The following CTNNA3 variants were observed in gnomAD, a reference collection of about 807,000 sequenced individuals.
CTNNA3 encodes catenin alpha-3.
A neutral mutation model predicts 95.7 loss-of-function variants in CTNNA3; 76 were observed. The observed-to-expected ratio is 0.79, with a 90% CI of 0.66 to 0.96. CTNNA3 has a LOEUF of 0.96. Among genes scored for constraint, CTNNA3 ranks in the 40% least tolerant of loss-of-function variants. CTNNA3 has a pLI of 0.00. For missense variants in CTNNA3, 1,191 were observed against 1,089.8 expected (o/e 1.09, Z -1.31); for synonymous variants, 431 against 374.4 (o/e 1.15, Z -1.74).
intron 5 of CTNNA3, among the ~76,000 whole-genome samples, chr10:67,375,291 C>A (rs1843645050): frequency 6.6e-6 from 1 of 152,136 alleles, no homozygotes; most frequent in Admixed American, 6.5e-5. Context: ...CACAATGAGT[C>A]AAGGTCAGGG....
At chr10:66,849,378 C>G (rs1374875258) in intron 7 of CTNNA3, among the ~76,000 whole-genome samples, 3 of 151,912 alleles carry the variant, frequency 2.0e-5, no homozygotes, top group African/African-American at 7.3e-5. Context: ...CTTGTTGTTC[C>G]CTTATGTTTG....
chr10:67,169,478 A>C (rs112349306), intron 7 of CTNNA3, among the ~76,000 whole-genome samples: 51 of 152,336 alleles, frequency 3.3e-4, no homozygotes, highest in African/African-American at 1.2e-3. Context: ...AAGGCCACAC[A>C]TCTGCGACCA....
At chr10:66,190,301 A>C (rs1393126502) in intron 13 of CTNNA3, among the ~76,000 whole-genome samples, 1 of 152,172 alleles carries the variant, frequency 6.6e-6, no homozygotes, top group African/African-American at 2.4e-5. Flanking sequence ...AGAAATAAAA[A>C]CAAACCTGTC....
chr10:66,543,862 AT>A, intron 10 of CTNNA3, among the ~76,000 whole-genome samples: 1 of 146,730 alleles, frequency 6.8e-6, no homozygotes, highest in Non-Finnish European at 1.5e-5. Context: ...AAATTGCTAA[AT>A]TTTGCTTTTT....
intron 1 of CTNNA3, among the ~76,000 whole-genome samples, chr10:67,755,039 C>T (rs1372609270): frequency 1.3e-5 from 2 of 151,524 alleles, no homozygotes; most frequent in Non-Finnish European, 2.9e-5. Flanking sequence ...CTCTACAAAA[C>T]AAAAAAATTA....
At chr10:66,550,464 C>T (rs1412594992) in intron 10 of CTNNA3, among the ~76,000 whole-genome samples, 2 of 152,120 alleles carry the variant, frequency 1.3e-5, no homozygotes, top group Admixed American at 6.6e-5. Context: ...TAGCAAAAAT[C>T]GTTTTAAATT....
At chr10:67,149,866 G>A (rs905908963) in intron 7 of CTNNA3, among the ~76,000 whole-genome samples, 2 of 152,132 alleles carry the variant, frequency 1.3e-5, no homozygotes, top group Non-Finnish European at 2.9e-5. Flanking sequence ...GCATACCCTG[G>A]CATTTTGATA....
chr10:66,220,028 CAGG>C, intron 13 of CTNNA3, among the ~76,000 whole-genome samples: 1 of 152,114 alleles, frequency 6.6e-6, no homozygotes, highest in African/African-American at 2.4e-5. Context: ...GAGGCTGAGG[CAGG>C]AGAATCACTT....
intron 7 of CTNNA3, among the ~76,000 whole-genome samples, chr10:67,005,076 C>T (rs1311182626): frequency 2.0e-5 from 3 of 152,180 alleles, no homozygotes; most frequent in Admixed American, 6.5e-5. Flanking sequence ...GTTTTTCCTA[C>T]AAGCTCCTTT....
At chr10:66,057,123 G>A (rs1432231562) in intron 15 of CTNNA3, among the ~76,000 whole-genome samples, 2 of 152,092 alleles carry the variant, frequency 1.3e-5, no homozygotes, top group African/African-American at 4.8e-5. Context: ...CCTTTTTAAA[G>A]CTTTCCTTTT....
At chr10:65,933,552 A>T (rs2077287830) in intron 17 of CTNNA3, among the ~76,000 whole-genome samples, 1 of 152,182 alleles carries the variant, frequency 6.6e-6, no homozygotes, top group Non-Finnish European at 1.5e-5. Flanking sequence ...CAAAAAAACG[A>T]AAAGTAAACA....
intron 2 of CTNNA3, among the ~76,000 whole-genome samples, chr10:67,607,931 T>G (rs1314244947): frequency 6.6e-6 from 1 of 152,260 alleles, no homozygotes; most frequent in Non-Finnish European, 1.5e-5. Flanking sequence ...TCATGGAGTT[T>G]ACATTCTTAA....
intron 12 of CTNNA3, among the ~76,000 whole-genome samples, chr10:66,306,551 T>C (rs2091936948): frequency 4.6e-5 from 7 of 152,192 alleles, no homozygotes; most frequent in Admixed American, 4.6e-4. Flanking sequence ...TAAGCCATAC[T>C]GCCTGATACT....
chr10:67,158,950 G>A (rs1235423302), intron 7 of CTNNA3, among the ~76,000 whole-genome samples: 1 of 152,008 alleles, frequency 6.6e-6, no homozygotes, highest in Non-Finnish European at 1.5e-5. Flanking sequence ...GTTTTATATT[G>A]TTTTATACTC....
chr10:67,576,265 C>T (rs919215156), intron 3 of CTNNA3, among the ~76,000 whole-genome samples: 2 of 152,098 alleles, frequency 1.3e-5, no homozygotes, highest in African/African-American at 4.8e-5. Flanking sequence ...TTTACTTTTA[C>T]ATTTCAGGTT....
chr10:66,436,208 G>C (rs1453100586), intron 11 of CTNNA3, among the ~76,000 whole-genome samples: 1 of 152,154 alleles, frequency 6.6e-6, no homozygotes, highest in Non-Finnish European at 1.5e-5. Context: ...GACCTGAGCT[G>C]AGTTCACATC....
chr10:66,956,496 C>A (rs936016059), intron 7 of CTNNA3, among the ~76,000 whole-genome samples: 2 of 151,990 alleles, frequency 1.3e-5, no homozygotes, highest in East Asian at 3.8e-4. Flanking sequence ...AGGCAATAAA[C>A]AATAATTACA....
chr10:66,495,553 TATC>T (rs1398355961), intron 11 of CTNNA3, among the ~76,000 whole-genome samples: 2 of 152,176 alleles, frequency 1.3e-5, no homozygotes, highest in Non-Finnish European at 2.9e-5. Flanking sequence ...CACTTATCAA[TATC>T]ATAACACAAA....
intron 5 of CTNNA3, among the ~76,000 whole-genome samples, chr10:67,367,896 G>A (rs1180539730): frequency 6.6e-6 from 1 of 152,100 alleles, no homozygotes; most frequent in Non-Finnish European, 1.5e-5. Context: ...TGCGGAAAAA[G>A]GGAGAAAGGA....
Sources: allele counts gnomAD v4.1 joint callset (sites outside exome capture counted in the v4.1 genomes callset), GRCh38; gene constraint gnomAD v4.1.1; transcripts MANE v1.5; gene names NCBI Gene and HGNC (gene_info 2026-07-23, HGNC 2026-07-21).